Variants in WNK1 observed in about 807,000 individuals in gnomAD.
WNK1 encodes the protein WNK lysine deficient protein kinase 1, also known as serine/threonine-protein kinase WNK1.
WNK1 carries 38 observed loss-of-function variants against 222.8 expected under a neutral mutation model. The observed-to-expected ratio is 0.17, with a 90% CI of 0.13 to 0.22. The LOEUF is 0.22. Ranked by LOEUF, WNK1 falls within the 10% of genes least tolerant of loss-of-function variation. The pLI is 1.00. For missense variants in WNK1, 2,348 were observed against 2,918.4 expected, an observed-to-expected ratio of 0.80 and a Z score of 4.50; for synonymous variants, 1,090 against 1,092.9, an observed-to-expected ratio of 1.00 and a Z score of 0.05.
At chr12:768,993 A>G (rs913610285) in intron 1 of WNK1, among the ~76,000 whole-genome samples, 2 of 152,098 alleles carry the variant, frequency 1.3e-5, no homozygotes, top group Non-Finnish European at 1.5e-5. Flanking sequence ...GTATTTTAGT[A>G]GAGATGGGGT....
At chr12:849,085 C>T (rs1288018753) in intron 4 of WNK1, among the ~76,000 whole-genome samples, 1 of 152,196 alleles carries the variant, frequency 6.6e-6, no homozygotes, top group Non-Finnish European at 1.5e-5. Context: ...AGGTAGGCTG[C>T]ACTTTTGCAG....
chr12:793,799 C>T (rs943034954), intron 1 of WNK1, among the ~76,000 whole-genome samples: 6 of 152,232 alleles, frequency 3.9e-5, no homozygotes, highest in Admixed American at 2.0e-4. Flanking sequence ...CTATACAATT[C>T]ACTTGGTTAA....
intron 1 of WNK1, among the ~76,000 whole-genome samples, chr12:804,019 GA>G (rs1946120595): frequency 1.3e-5 from 2 of 152,122 alleles, no homozygotes; most frequent in South Asian, 4.1e-4. Context: ...TTGCAAATAA[GA>G]AAATGTAAAA....
At chr12:872,212 A>G (rs1289015790) in intron 9 of WNK1, among the ~76,000 whole-genome samples, 2 of 152,008 alleles carry the variant, frequency 1.3e-5, no homozygotes, top group Non-Finnish European at 2.9e-5. Flanking sequence ...TGCAACTTCC[A>G]TCTCCCAGGT....
At chr12:881,658 C>A in intron 12 of WNK1, 34 bp from the exon 13 acceptor site, 1 of 1,518,718 alleles carries the variant, frequency 6.6e-7, no homozygotes, top group Non-Finnish European at 9.1e-7. Flanking sequence ...AAATCTATTA[C>A]TACCGAGATT....
At chr12:844,051 AATTAT>A (rs1241883911) in intron 4 of WNK1, among the ~76,000 whole-genome samples, 2 of 152,166 alleles carry the variant, frequency 1.3e-5, no homozygotes, top group Admixed American at 6.5e-5. Context: ...TTGACTTAAA[AATTAT>A]ATTATTATAG....
chr12:896,652 C>T lies in WNK1; in HGVS notation c.6165C>T (p.Asn2055=). 6.2e-7 allele frequency: 1 copy of T among 1,608,722 alleles called. No homozygotes were observed. Among genetic ancestry groups the T allele is most frequent in the Non-Finnish European group, 8.5e-7 (1 of 1,178,546 alleles). ...GTCAAAGCCTTAGTAATTCATTTAACTCCTCTTACATGAGTAGCGACAATG... is the reference window on the plus strand; with the variant it reads ...GTCAAAGCCTTAGTAATTCATTTAATTCCTCTTACATGAGTAGCGACAATG... ...NLSQSLSNSF[N]SSYMSSDNES... Residue 2055 remains asparagine, a synonymous_variant, in exon 24 of 28, where the codon AAC becomes AAT. Transcript: ENST00000315939.
intron 19 of WNK1, among the ~76,000 whole-genome samples, chr12:886,633 T>C (rs1953687238): frequency 6.6e-6 from 1 of 152,246 alleles, no homozygotes; most frequent in Non-Finnish European, 1.5e-5. Context: ...CCTCTTGTTC[T>C]GCCACCTTCT....
intron 12 of WNK1, 123 bp from the exon 13 acceptor site, chr12:881,569 T>A (rs1443353210): frequency 1.3e-6 from 1 of 770,490 alleles, no homozygotes; most frequent in African/African-American, 1.7e-5. Context: ...GAGAATTTAC[T>A]AGTAAATTTA....
chr12:859,245 A>G lies in WNK1; in HGVS notation c.1401A>G (p.Arg467=), dbSNP rs1445022150. Residue 467 remains arginine (R), a splice_region_variant and synonymous_variant, in exon 6 of 28, where the codon AGA becomes AGG. Coordinates refer to ENST00000315939, the MANE Select transcript of WNK1 (RefSeq NM_018979.4). ...CTTTTCTTTTCCCTCTGTTTGGAAG[A>G]TATTCCATCAAAGACCTTTTGAACC... ...EGCIRQNKDE[R]YSIKDLLNHA... is the part of the protein sequence containing the mutation. 8.7e-6 allele frequency: 14 copies of G among 1,610,356 alleles called. No individual in the cohort carries two copies. In the Admixed American group the frequency reaches 2.3e-4, roughly 27 times the overall value.
chr12:777,957 G>A (rs1943291259), intron 1 of WNK1, among the ~76,000 whole-genome samples: 1 of 152,170 alleles, frequency 6.6e-6, no homozygotes, highest in African/African-American at 2.4e-5. Flanking sequence ...TTTGGCAGTG[G>A]ATGCCTTGTT....
rs182769151 is a variant in WNK1 at position 848,065 on chromosome 12, A to G, written c.1312-9096A>G. Among the ~76,000 whole-genome samples, 95 of 152,134 alleles carry G rather than the reference A, an allele frequency of 6.2e-4. No homozygotes were observed. In the East Asian group the frequency reaches 0.016, roughly 25 times the overall value. On this transcript the variant is annotated intron_variant, in intron 4 of 27. Coordinates refer to ENST00000315939, the MANE Select transcript of WNK1 (RefSeq NM_018979.4). ...CGTGATCTGCCCGCTTCGGCCCTCC[A>G]AAGTGTTGGGATTACAGGCGTGAGC...
chr12:894,730 A>T, intron 23 of WNK1, 95 bp downstream of exon 23: 3 of 1,146,108 alleles, frequency 2.6e-6, no homozygotes, highest in Non-Finnish European at 4.0e-6. Flanking sequence ...CACAATTGCC[A>T]GTCTAGTGAT....
intron 3 of WNK1, among the ~76,000 whole-genome samples, chr12:828,858 A>G (rs1948576324): frequency 6.6e-6 from 1 of 152,236 alleles, no homozygotes; most frequent in Admixed American, 6.5e-5. Flanking sequence ...AAACCCATTA[A>G]TTTTTAAGTG....
At chr12:795,452 T>C (rs755041369) in intron 1 of WNK1, among the ~76,000 whole-genome samples, 3 of 152,052 alleles carry the variant, frequency 2.0e-5, no homozygotes, top group Non-Finnish European at 4.4e-5. Context: ...CATACTGTTC[T>C]CATGATAGTG....
chr12:832,423 C>T (rs964981900), intron 4 of WNK1, among the ~76,000 whole-genome samples: 7 of 152,154 alleles, frequency 4.6e-5, no homozygotes, highest in African/African-American at 1.4e-4. Flanking sequence ...CAAATTTTAC[C>T]TCTTCATAAA....
intron 1 of WNK1, among the ~76,000 whole-genome samples, chr12:803,474 T>A (rs1034920170): frequency 6.6e-6 from 1 of 152,228 alleles, no homozygotes; most frequent in Non-Finnish European, 1.5e-5. Context: ...TATTATTTCA[T>A]AGAAAATAAT....
At chr12:793,949 C>T (rs930230551) in intron 1 of WNK1, among the ~76,000 whole-genome samples, 1 of 152,130 alleles carries the variant, frequency 6.6e-6, no homozygotes. Context: ...GTGTGGATAA[C>T]CACTAACCTA....
chr12:857,866 G>GA (rs888581058), intron 5 of WNK1, among the ~76,000 whole-genome samples: 3 of 152,110 alleles, frequency 2.0e-5, no homozygotes, highest in African/African-American at 7.2e-5. Context: ...GTCTGTTTCT[G>GA]AAAAACAGTC....
Sources: allele counts gnomAD v4.1 joint callset (sites outside exome capture counted in the v4.1 genomes callset), GRCh38; gene constraint gnomAD v4.1.1; transcripts MANE v1.5; gene names NCBI Gene and HGNC (gene_info 2026-07-23, HGNC 2026-07-21).